Variants in WNK2 observed in about 807,000 individuals in gnomAD.
WNK2 encodes WNK lysine deficient protein kinase 2, also known as serine/threonine-protein kinase WNK2.
Under a neutral mutation model 192.1 loss-of-function variants are expected in WNK2, and 67 were observed. The ratio of observed to expected loss-of-function variants is 0.35; its 90% CI spans 0.29 to 0.43. WNK2 has a LOEUF of 0.43. Among genes scored for constraint, WNK2 ranks in the 20% least tolerant of loss-of-function variants. The pLI is 1.00. For missense variants in WNK2, 2,698 were observed against 3,089.7 expected, an observed-to-expected ratio of 0.87 and a Z score of 3.01; for synonymous variants, 1,439 against 1,393.9, an observed-to-expected ratio of 1.03 and a Z score of -0.72.
chr9:93,242,955 T>C (rs1393196465), intron 7 of WNK2, among the ~76,000 whole-genome samples: 2 of 152,130 alleles, frequency 1.3e-5, no homozygotes, highest in African/African-American at 2.4e-5. Context: ...TGGTTATGCT[T>C]GGTCAGTGCT....
rs1043126101 is a variant in WNK2, at chr9:93,306,914, G to A, written c.6259+93G>A. ...TCAGGGTTCCCGCGGCCGGGCGGGC[G>A]TGGGCCTGCCCTGTGCCTGCCCCGC... On this transcript the variant is annotated intron_variant, in intron 27 of 29. Transcript: ENST00000427277. 2.2e-5 allele frequency: 33 copies of A among 1,515,282 alleles called. 1 individual carries two copies. Among genetic ancestry groups the A allele is most frequent in the East Asian group, 6.8e-5 (3 of 44,426 alleles). 93.9% of individuals were successfully genotyped at this position (1,515,282 alleles called of 1,614,324 possible).
chr9:93,196,472 C>G (rs965777870), intron 2 of WNK2, among the ~76,000 whole-genome samples: 1 of 152,054 alleles, frequency 6.6e-6, no homozygotes, highest in Admixed American at 6.6e-5. Flanking sequence ...GCATTTTGTC[C>G]CTAGTCTTGC....
In WNK2 at chr9:93,292,507, T is replaced by C. The variant is rs146583678; in HGVS notation, c.5042T>C (p.Val1681Ala). 87 of 1,595,650 alleles carry C rather than the reference T, an allele frequency of 5.5e-5. No homozygotes were observed. In the African/African-American group the frequency reaches 1.1e-3, roughly 20 times the overall value. ...PSVPQDVPAF[V>A]RPARVEPTDR... The stretch of plus-strand genomic sequence containing the variant: ...TTTCCCAAGGATGTACCTGCTTTTG[T>C]GAGACCTGCACGTGTGGAGCCCACA... The change falls in exon 23 of 30, where the codon GTG (valine) becomes GCG (alanine). Residue 1681 changes from valine to alanine, a missense_variant. Val to Ala is a moderately conservative substitution (Grantham distance 64, BLOSUM62 0). Transcript: ENST00000427277.
At chr9:93,299,016 G>A (rs1851112659) in intron 24 of WNK2, 54 bp from the exon 25 acceptor site, 3 of 1,546,668 alleles carry the variant, frequency 1.9e-6, no homozygotes, top group Non-Finnish European at 2.6e-6. Context: ...AATCCACACG[G>A]CCCCGACCCG....
intron 19 of WNK2, among the ~76,000 whole-genome samples, chr9:93,271,286 A>G (rs1303713573): frequency 2.0e-5 from 3 of 152,230 alleles, no homozygotes; most frequent in Non-Finnish European, 4.4e-5. Flanking sequence ...CAAAAATATT[A>G]ACATTCATCA....
Position 93,198,444 on chromosome 9 carries a change from C to T in WNK2, c.681+12834C>T, listed in dbSNP as rs543230695. 1.3e-4 allele frequency among the ~76,000 whole-genome samples: 20 copies of T among 152,326 alleles called. No homozygotes were observed. In the East Asian group the frequency reaches 3.9e-3, roughly 29 times the overall value. On this transcript the variant is annotated intron_variant, in intron 2 of 29. Transcript: ENST00000427277. ...CCCCTCCTCAGGCCTCACAGGGAGC[C>T]CTGCTTACCCCGGTAGGGCGTAGGG...
In WNK2 at chr9:93,247,792, C is replaced by T; in HGVS notation, c.1792C>T (p.Leu598Phe). 1.9e-6 allele frequency: 3 copies of T among 1,546,080 alleles called. No individual in the cohort carries two copies. The highest frequency in any genetic ancestry group is 2.6e-6 in the Non-Finnish European group (3 of 1,148,368). ...CGAGGAGCCGGAGGCCGACCAGCAC[C>T]TCCTGCCACCTACGTTGCCGACCAG... ...EPEEPEADQH[L>F]LPPTLPTSAT... Residue 598 changes from leucine (L) to phenylalanine (F), a missense_variant, in exon 8 of 30, where the codon CTC becomes TTC. Coordinates refer to ENST00000427277, the MANE Select transcript of WNK2 (RefSeq NM_006648.4). This position sits in a 1 kb window ranked among gnomAD's most constrained non-coding sequence, Gnocchi z 5.2.
chr9:93,188,851 C>T lies in WNK2; in HGVS notation c.681+3241C>T, dbSNP rs552131098. 5.9e-5 allele frequency among the ~76,000 whole-genome samples: 9 copies of T among 152,324 alleles called. No homozygotes were observed. In the South Asian group the frequency reaches 1.0e-3, roughly 18 times the overall value. On this transcript the variant is annotated intron_variant, in intron 2 of 29. Transcript: ENST00000427277. ...GGGTGGTGAGGCCACAATACAGCAA[C>T]GGGGAGGTGCCTGGCGTGGTGCTGT...
intron 28 of WNK2, among the ~76,000 whole-genome samples, chr9:93,313,164 G>A (rs186773189): frequency 1.4e-4 from 22 of 152,166 alleles, no homozygotes; most frequent in Middle Eastern, 3.4e-3. Context: ...TAAGACAGTC[G>A]GTTTAAAGCC....
chr9:93,285,480 AAC>A lies in WNK2; in HGVS notation c.4034-3304_4034-3303del, dbSNP rs559021337. Among the ~76,000 whole-genome samples the A allele has an allele frequency of 5.3e-5, 8 of 152,350 alleles. No individual in the cohort carries two copies. In the South Asian group the frequency reaches 1.2e-3, roughly 24 times the overall value. On this transcript the variant is annotated intron_variant, in intron 19 of 29. Transcript: ENST00000427277. Reference sequence around the variant, plus strand: ...AATATTGAAAAATTCAATTTATAGTAACACAAAAATGCCAAACACCAGTGTAT... The same window carrying A: ...AATATTGAAAAATTCAATTTATAGTAACAAAAATGCCAAACACCAGTGTAT...
At chr9:93,192,683 C>A (rs1830545172) in intron 2 of WNK2, among the ~76,000 whole-genome samples, 1 of 152,178 alleles carries the variant, frequency 6.6e-6, no homozygotes, top group Non-Finnish European at 1.5e-5. Context: ...ATGATTCATA[C>A]AATGGGCAGC....
intron 26 of WNK2, among the ~76,000 whole-genome samples, chr9:93,302,553 A>G (rs2134135367): frequency 6.6e-6 from 1 of 152,290 alleles, no homozygotes; most frequent in Non-Finnish European, 1.5e-5. Flanking sequence ...AAAATGTGTT[A>G]AATTTTGAAA....
At chr9:93,209,985 TG>T (rs1452727097) in intron 2 of WNK2, among the ~76,000 whole-genome samples, 1 of 152,086 alleles carries the variant, frequency 6.6e-6, no homozygotes, top group Non-Finnish European at 1.5e-5. Context: ...CTGGGAGAGA[TG>T]GAAGATGCAT....
At chr9:93,213,720 C>A (rs1835192794) in intron 2 of WNK2, among the ~76,000 whole-genome samples, 1 of 151,844 alleles carries the variant, frequency 6.6e-6, no homozygotes, top group South Asian at 2.1e-4. Context: ...ACCCAGGAGG[C>A]AGAGGTTGCA....
chr9:93,302,019 C>A (rs6479473), intron 26 of WNK2, among the ~76,000 whole-genome samples: 139,183 of 152,186 alleles, frequency 0.91, 64,037 homozygotes, highest in East Asian at 1. Context: ...CTGCCACTCT[C>A]CTGGGATGTG....
At chr9:93,244,482 A>T (rs1456146126) in intron 7 of WNK2, among the ~76,000 whole-genome samples, 1 of 152,182 alleles carries the variant, frequency 6.6e-6, no homozygotes, top group African/African-American at 2.4e-5. Context: ...AATAGAAGAA[A>T]CACTTTAGAG....
chr9:93,313,945 T>G (rs1854125585), intron 28 of WNK2, among the ~76,000 whole-genome samples: 1 of 151,914 alleles, frequency 6.6e-6, no homozygotes, highest in Non-Finnish European at 1.5e-5. Flanking sequence ...CTTTGCAATA[T>G]GGCAAAACCT....
intron 28 of WNK2, among the ~76,000 whole-genome samples, chr9:93,310,932 C>T (rs181777914): frequency 5.9e-5 from 9 of 152,192 alleles, no homozygotes; most frequent in Non-Finnish European, 1.3e-4. Context: ...CCACTGTACT[C>T]CAGCCTGGGT....
rs1367210007 is a variant in WNK2 at position 93,247,394 on chromosome 9, C to A, written c.1543-149C>A. The stretch of plus-strand genomic sequence containing the variant: ...AAACCCCTGCCATGCCATCTCTGAG[C>A]TGTCCCCGCGGATTTTACATTCAGT... On this transcript the variant is annotated intron_variant, in intron 7 of 29. Coordinates refer to ENST00000427277, the MANE Select transcript of WNK2 (RefSeq NM_006648.4). This position sits in a 1 kb window ranked among gnomAD's most constrained non-coding sequence, Gnocchi z 5.2. 3.1e-6 allele frequency: 3 copies of A among 973,848 alleles called. No homozygotes were observed. The African/African-American group carries it at 4.9e-5, about 16-fold the overall frequency. 60.3% of individuals were successfully genotyped at this position (973,848 alleles called of 1,614,324 possible).
Sources: gnomAD v4.1 joint callset for allele counts (sites outside exome capture counted in the v4.1 genomes callset) on GRCh38, gnomAD v4.1.1 for gene constraint, Gnocchi (gnomAD v3.1) non-coding constraint, MANE v1.5 for transcripts, NCBI Gene and HGNC (gene_info 2026-07-23, HGNC 2026-07-21) for gene names.